GALNTL6: variants seen among roughly 807,000 people sequenced by gnomAD.
GALNTL6 encodes the protein polypeptide N-acetylgalactosaminyltransferase like 6, also known as polypeptide N-acetylgalactosaminyltransferase-like 6.
A neutral mutation model predicts 73.7 loss-of-function variants in GALNTL6; 46 were observed. That is an observed-to-expected ratio of 0.62 (90% confidence interval 0.49 to 0.80). GALNTL6 has a LOEUF of 0.80. Ranked by LOEUF, GALNTL6 falls within the 30% of genes least tolerant of loss-of-function variation. The pLI is 0.00. For synonymous variants in GALNTL6, 259 were observed against 263.7 expected (o/e 0.98, Z 0.17); for missense variants, 604 against 755.0 (o/e 0.80, Z 2.34).
intron 8 of GALNTL6, among the ~76,000 whole-genome samples, chr4:172,925,629 C>T (rs997429874): frequency 6.6e-6 from 1 of 152,178 alleles, no homozygotes; most frequent in Non-Finnish European, 1.5e-5. Flanking sequence ...GGTCCCCAGT[C>T]AGCAGCCATC....
chr4:172,352,626 T>C (rs1741979294), intron 5 of GALNTL6, among the ~76,000 whole-genome samples: 1 of 152,158 alleles, frequency 6.6e-6, no homozygotes, highest in South Asian at 2.1e-4. Context: ...AGATAGGGTA[T>C]ATTTGAACTT....
At chr4:172,527,562 TTG>T (rs1299562775) in intron 5 of GALNTL6, among the ~76,000 whole-genome samples, 2 of 152,180 alleles carry the variant, frequency 1.3e-5, no homozygotes, top group Non-Finnish European at 2.9e-5. Flanking sequence ...ATAGGATGGA[TTG>T]TCTATGCAGT....
intron 5 of GALNTL6, among the ~76,000 whole-genome samples, chr4:172,450,808 A>C (rs1732181832): frequency 6.6e-6 from 1 of 152,244 alleles, no homozygotes; most frequent in African/African-American, 2.4e-5. Context: ...GTTTTGGTTC[A>C]AGTCTCAACT....
intron 2 of GALNTL6, among the ~76,000 whole-genome samples, chr4:172,123,610 T>C (rs1211305953): frequency 6.7e-6 from 1 of 149,980 alleles, no homozygotes; most frequent in East Asian, 2.0e-4. Flanking sequence ...CTAGTGATTC[T>C]CCTGCCTCAG....
intron 2 of GALNTL6, among the ~76,000 whole-genome samples, chr4:171,969,751 A>G (rs1739503321): frequency 6.7e-6 from 1 of 148,950 alleles, no homozygotes; most frequent in South Asian, 2.1e-4. Context: ...GCTACATATG[A>G]TAACAACTCC....
chr4:171,937,085 G>A (rs532411413), intron 2 of GALNTL6, among the ~76,000 whole-genome samples: 66 of 152,156 alleles, frequency 4.3e-4, no homozygotes, highest in African/African-American at 1.6e-3. Flanking sequence ...AGATACTGCT[G>A]GGTGGATGAA....
chr4:172,929,115 T>C (rs1192999669), intron 8 of GALNTL6, among the ~76,000 whole-genome samples: 2 of 152,216 alleles, frequency 1.3e-5, no homozygotes, highest in African/African-American at 4.8e-5. Flanking sequence ...TTACCAGCTT[T>C]ATATTACCCA....
intron 5 of GALNTL6, among the ~76,000 whole-genome samples, chr4:172,388,471 T>C (rs1423685804): frequency 1.3e-5 from 2 of 152,116 alleles, no homozygotes; most frequent in African/African-American, 4.8e-5. Context: ...AATAAAGACA[T>C]TTATTAGGAA....
intron 5 of GALNTL6, among the ~76,000 whole-genome samples, chr4:172,707,093 C>T (rs1156442286): frequency 6.6e-6 from 1 of 152,140 alleles, no homozygotes; most frequent in Non-Finnish European, 1.5e-5. Flanking sequence ...GACTTTTCCA[C>T]ATGTTGCCTG....
chr4:172,440,860 T>G (rs1241771625), intron 5 of GALNTL6, among the ~76,000 whole-genome samples: 1 of 152,144 alleles, frequency 6.6e-6, no homozygotes, highest in Non-Finnish European at 1.5e-5. Flanking sequence ...AAATTAGGCC[T>G]TTTTATGATA....
intron 2 of GALNTL6, among the ~76,000 whole-genome samples, chr4:171,832,388 T>G (rs949371658): frequency 6.6e-6 from 1 of 151,592 alleles, no homozygotes; most frequent in African/African-American, 2.4e-5. Context: ...AATATGTTCT[T>G]GTTTTCATAT....
At chr4:172,532,112 C>T (rs1054843442) in intron 5 of GALNTL6, among the ~76,000 whole-genome samples, 6 of 152,114 alleles carry the variant, frequency 3.9e-5, no homozygotes, top group African/African-American at 1.4e-4. Flanking sequence ...AAATGATTGA[C>T]AGGTTATGTA....
intron 7 of GALNTL6, among the ~76,000 whole-genome samples, chr4:172,866,748 CT>C (rs1395043761): frequency 6.6e-6 from 1 of 152,156 alleles, no homozygotes; most frequent in Admixed American, 6.5e-5. Context: ...CTGAATTGCC[CT>C]GCCTTTTCCC....
chr4:172,960,597 T>C (rs545333493), intron 10 of GALNTL6, among the ~76,000 whole-genome samples: 2 of 152,134 alleles, frequency 1.3e-5, no homozygotes, highest in East Asian at 1.9e-4. Flanking sequence ...TAAGTCGCAT[T>C]GGGAACAGAG....
chr4:172,093,811 C>A (rs1732274543), intron 2 of GALNTL6, among the ~76,000 whole-genome samples: 1 of 152,178 alleles, frequency 6.6e-6, no homozygotes, highest in African/African-American at 2.4e-5. Flanking sequence ...GAGAGAAGAT[C>A]ATGCCTGATG....
At chr4:172,262,178 G>C (rs927537633) in intron 3 of GALNTL6, among the ~76,000 whole-genome samples, 6 of 151,172 alleles carry the variant, frequency 4.0e-5, no homozygotes, top group African/African-American at 1.5e-4. Context: ...TTTAAATCCA[G>C]TGTGTCTTCA....
intron 5 of GALNTL6, among the ~76,000 whole-genome samples, chr4:172,674,945 C>A (rs1174081729): frequency 6.6e-6 from 1 of 152,130 alleles, no homozygotes; most frequent in Non-Finnish European, 1.5e-5. Flanking sequence ...GATCTTCATT[C>A]CTATCTATAT....
intron 2 of GALNTL6, among the ~76,000 whole-genome samples, chr4:171,822,830 G>A (rs1375667541): frequency 6.6e-6 from 1 of 152,140 alleles, no homozygotes; most frequent in African/African-American, 2.4e-5. Context: ...GGATTACATG[G>A]CTTTACAATA....
chr4:172,202,552 A>G (rs989723856), intron 2 of GALNTL6, among the ~76,000 whole-genome samples: 1 of 152,180 alleles, frequency 6.6e-6, no homozygotes, highest in Non-Finnish European at 1.5e-5. Flanking sequence ...ATATATAGAT[A>G]ATTATATTGG....
Sources: gnomAD v4.1 joint callset for allele counts (sites outside exome capture counted in the v4.1 genomes callset) on GRCh38, gnomAD v4.1.1 for gene constraint, MANE v1.5 for transcripts, NCBI Gene and HGNC (gene_info 2026-07-23, HGNC 2026-07-21) for gene names.